CENPC: variants seen among roughly 807,000 people sequenced by gnomAD.
The protein encoded by CENPC is CENP-C 1.
In CENPC, 63 loss-of-function variants were observed where a neutral mutation model predicts 112.1. The ratio of observed to expected loss-of-function variants is 0.56; its 90% CI spans 0.46 to 0.69. CENPC has a LOEUF of 0.69. Among genes scored for constraint, CENPC ranks in the 30% least tolerant of loss-of-function variants. The probability of loss-of-function intolerance (pLI) is 0.00; values close to 1 mark genes in which losing one functional copy is unlikely to be tolerated. For synonymous variants in CENPC, 333 were observed against 367.6 expected, an observed-to-expected ratio of 0.91 and a Z score of 1.08; for missense variants, 1,000 against 1,103.8, an observed-to-expected ratio of 0.91 and a Z score of 1.33.
At chr4:67,491,446 CATATATATATATAT>C (rs58687245) in intron 16 of CENPC, among the ~76,000 whole-genome samples, 875 of 36,438 alleles carry the variant, frequency 0.024, 37 homozygotes, top group Middle Eastern at 0.038. Context: ...TTAAATATTT[CATATATATATATAT>C]ATATATATAT....
chr4:67,543,648 T>A (rs1726949151), intron 2 of CENPC, among the ~76,000 whole-genome samples: 1 of 152,164 alleles, frequency 6.6e-6, no homozygotes, highest in Non-Finnish European at 1.5e-5. Flanking sequence ...CACAGCTCAA[T>A]AAACATGACG....
chr4:67,509,094 T>C lies in CENPC; in HGVS notation c.1624A>G (p.Ser542Gly), dbSNP rs1398961794. The change falls in exon 10 of 19, where the codon AGC (serine) becomes GGC (glycine). Residue 542 changes from serine (S) to glycine (G), a missense_variant. Transcript: ENST00000273853. ...AATTCATTTCTTACTGAAGAATTGC[T>C]ATAAACAGGACCTGAAGGATTCAAT... ...VVKSEESPVY[S>G]NSSVRNELPM... 1 of 1,605,942 alleles carries C rather than the reference T, an allele frequency of 6.2e-7. No individual in the cohort carries two copies. Among genetic ancestry groups the C allele is most frequent in the South Asian group, 1.1e-5 (1 of 90,880 alleles).
At chr4:67,517,263 G>C (rs1726084515) in intron 7 of CENPC, among the ~76,000 whole-genome samples, 1 of 151,756 alleles carries the variant, frequency 6.6e-6, no homozygotes, top group South Asian at 2.1e-4. Context: ...CCAGGTTCAA[G>C]TGTTTCTCTT....
chr4:67,541,008 T>G lies in CENPC; in HGVS notation c.108A>C (p.Glu36Asp), dbSNP rs1210802822. The G allele has an allele frequency of 1.9e-6, 3 of 1,610,064 alleles. No individual in the cohort carries two copies. The African/African-American group carries it at 4.0e-5, about 22-fold the overall frequency. ...INTEQGQNVL[E>D]ILQDCFEEKS... The stretch of plus-strand genomic sequence containing the variant: ...TTTCTTCAAAACAGTCTTGTAAGAT[T>G]TCCAGAACATTCTGGCCTTGCTCTG... The change falls in exon 3 of 19, where the codon GAA (glutamate) becomes GAC (aspartate). Residue 36 changes from glutamate (E) to aspartate (D), a missense_variant. Transcript: ENST00000273853.
chr4:67,490,000 T>A lies in CENPC; in HGVS notation c.2637A>T (p.Glu879Asp). ...CCTGGCCAACATGCTGCTTTCCCTT[T>A]TCTTCTTGTGGTCCTAATATCAATT... ...TGKLILGPQE[E>D]KGKQHVGQDI... Residue 879 changes from glutamate to aspartate, a missense_variant, in exon 17 of 19, where the codon GAA (glutamate) becomes GAT (aspartate). Coordinates refer to ENST00000273853, the MANE Select transcript of CENPC (RefSeq NM_001812.4). 6.3e-7 allele frequency: 1 copy of A among 1,595,874 alleles called. No individual in the cohort carries two copies. The highest frequency in any genetic ancestry group is 8.5e-7 in the Non-Finnish European group (1 of 1,171,158).
intron 16 of CENPC, among the ~76,000 whole-genome samples, 170 bp downstream of exon 16, chr4:67,492,010 C>A (rs1287362999): frequency 6.6e-6 from 1 of 152,130 alleles, no homozygotes; most frequent in Non-Finnish European, 1.5e-5. Context: ...TATCAATATT[C>A]CCCCACAGTT....
intron 11 of CENPC, 88 bp downstream of exon 11, chr4:67,506,700 C>A: frequency 1.8e-6 from 2 of 1,087,844 alleles, no homozygotes; most frequent in African/African-American, 1.6e-5. Flanking sequence ...AAGCTTTTAA[C>A]AAAATTAAAA....
intron 5 of CENPC, among the ~76,000 whole-genome samples, chr4:67,522,424 C>G (rs1726253325): frequency 1.3e-5 from 2 of 152,138 alleles, no homozygotes; most frequent in East Asian, 1.9e-4. Flanking sequence ...TATTTGACAC[C>G]TGGTCTTGAC....
At chr4:67,497,695 G>T (rs931390995) in intron 12 of CENPC, among the ~76,000 whole-genome samples, 3 of 151,996 alleles carry the variant, frequency 2.0e-5, no homozygotes, top group African/African-American at 7.2e-5. Context: ...ACCACGCTCA[G>T]CTAATTTTTG....
In CENPC at chr4:67,470,020, G is replaced by A. The variant is rs147649311; in HGVS notation, c.*2585C>T. On this transcript the variant is annotated 3_prime_UTR_variant, in exon 19 of 19. Transcript: ENST00000273853. ...ACTAAGCACTTGAAATGTGGCAAAT[G>A]CAAGTAAGAAACAATATTTTAAATT... 18 of 152,326 alleles carry A rather than the reference G, an allele frequency of 1.2e-4. No homozygotes were observed. The highest frequency in any genetic ancestry group is 4.3e-4 in the African/African-American group (18 of 41,572). 9.4% of individuals were successfully genotyped at this position (152,326 alleles called of 1,614,324 possible).
At chr4:67,492,819 C>T in intron 15 of CENPC, 50 bp downstream of exon 15, 1 of 1,472,608 alleles carries the variant, frequency 6.8e-7, no homozygotes. Flanking sequence ...TCTCAAAGTA[C>T]TCCTATTTAA....
At chr4:67,538,488 A>G (rs1726789523) in intron 4 of CENPC, among the ~76,000 whole-genome samples, 2 of 152,196 alleles carry the variant, frequency 1.3e-5, no homozygotes, top group Admixed American at 6.5e-5. Flanking sequence ...TTGAGATGGG[A>G]AACAAATGAG....
At position 67,539,915 on chromosome 4, in the gene CENPC, A is replaced by G; in HGVS notation, c.156T>C (p.Ser52=). 1 of 1,524,566 alleles carries G rather than the reference A, an allele frequency of 6.6e-7. No individual in the cohort carries two copies. The allele number at this position is 1,524,566 out of a possible 1,614,324, so 94.4% of individuals were successfully genotyped here. A position where few individuals can be genotyped will look rare whatever the true frequency, so the allele number is the denominator to read the frequency against. ...FEEKSLANDF[S]TNSTKSVPNS... ...TAGGCACTGATTTTGTAGAATTTGTACTAAAATCATTGGCAAGACCTAAAA... is the reference window on the plus strand; with the variant it reads ...TAGGCACTGATTTTGTAGAATTTGTGCTAAAATCATTGGCAAGACCTAAAA... Residue 52 remains serine (S), a synonymous_variant, in exon 4 of 19, where the codon AGT becomes AGC. Transcript: ENST00000273853.
intron 17 of CENPC, among the ~76,000 whole-genome samples, chr4:67,481,312 G>A (rs888210037): frequency 1.3e-5 from 2 of 152,136 alleles, no homozygotes; most frequent in Non-Finnish European, 2.9e-5. Flanking sequence ...CCAGTATTGT[G>A]AAAATGACAT....
intron 15 of CENPC, 34 bp from the exon 16 acceptor site, chr4:67,492,309 T>G: frequency 7.4e-7 from 1 of 1,355,404 alleles, no homozygotes; most frequent in Non-Finnish European, 1.0e-6. Flanking sequence ...TACAAACTAC[T>G]TACTTAAAAT....
chr4:67,492,953 A>G lies in CENPC; in HGVS notation c.2335T>C (p.Ser779Pro). 1 of 1,554,488 alleles carries G rather than the reference A, an allele frequency of 6.4e-7. No individual in the cohort carries two copies. The highest frequency in any genetic ancestry group is 8.7e-7 in the Non-Finnish European group (1 of 1,149,164). ...ATATTTTCTTTTGCCTTCCTTTTAG[A>G]CGATATTGTGTCTGGAGATAGTACT... ...SGVLSPDTIS[S>P]KRKAKENIGK... is the part of the protein sequence containing the mutation. The change falls in exon 15 of 19, where the codon TCT becomes CCT. Residue 779 changes from serine to proline, a missense_variant. By Grantham distance (74) the Ser-to-Pro change is moderately conservative. Transcript: ENST00000273853.
At chr4:67,536,157 C>A (rs905321190) in intron 4 of CENPC, among the ~76,000 whole-genome samples, 13 of 151,736 alleles carry the variant, frequency 8.6e-5, no homozygotes, top group African/African-American at 2.9e-4. Flanking sequence ...AAGGTGAAAA[C>A]CAGCAATAAA....
intron 4 of CENPC, among the ~76,000 whole-genome samples, chr4:67,537,683 C>T (rs1726766640): frequency 6.6e-6 from 1 of 151,972 alleles, no homozygotes; most frequent in Non-Finnish European, 1.5e-5. Context: ...ACCCCAGCTA[C>T]TTGGGGGACT....
At chr4:67,482,789 TAC>T (rs1423081333) in intron 17 of CENPC, among the ~76,000 whole-genome samples, 1 of 152,176 alleles carries the variant, frequency 6.6e-6, no homozygotes, top group African/African-American at 2.4e-5. Flanking sequence ...ACACGGTGGG[TAC>T]AGTGTTCACT....
Sources: allele counts gnomAD v4.1 joint callset (sites outside exome capture counted in the v4.1 genomes callset), GRCh38; gene constraint gnomAD v4.1.1; transcripts MANE v1.5; gene names NCBI Gene and HGNC (gene_info 2026-07-23, HGNC 2026-07-21).